The following STAP1 variants were observed in gnomAD, a reference collection of about 807,000 sequenced individuals.
STAP1 encodes signal transducing adaptor family member 1, also known as signal-transducing adaptor protein 1.
STAP1 carries 30 observed loss-of-function variants against 37.8 expected under a neutral mutation model. The observed-to-expected ratio is 0.79, with a 90% CI of 0.59 to 1.08. STAP1 has a LOEUF of 1.08. Ranked by LOEUF, STAP1 falls within the 50% of genes least tolerant of loss-of-function variation. The probability of loss-of-function intolerance (pLI) is 0.00; values close to 1 mark genes in which losing one functional copy is unlikely to be tolerated. For missense variants in STAP1, 357 were observed against 349.4 expected (o/e 1.02, Z -0.17); for synonymous variants, 130 against 116.0 (o/e 1.12, Z -0.78).
chr4:67,559,286 A>G (rs1005455044), intron 1 of STAP1, among the ~76,000 whole-genome samples: 4 of 152,154 alleles, frequency 2.6e-5, no homozygotes, highest in Non-Finnish European at 5.9e-5. Flanking sequence ...CTATGCTTCA[A>G]TGATGACATG....
chr4:67,603,990 C>A (rs533905556), intron 8 of STAP1, among the ~76,000 whole-genome samples: 1 of 152,178 alleles, frequency 6.6e-6, no homozygotes, highest in African/African-American at 2.4e-5. Flanking sequence ...AAATTTATTT[C>A]GAACCCTAGA....
At chr4:67,568,998 T>G (rs1402150839) in intron 1 of STAP1, among the ~76,000 whole-genome samples, 2 of 152,208 alleles carry the variant, frequency 1.3e-5, no homozygotes, top group African/African-American at 4.8e-5. Context: ...TGGGGATATA[T>G]TCTCAGAAAT....
intron 3 of STAP1, among the ~76,000 whole-genome samples, chr4:67,576,558 C>T (rs1727725191): frequency 6.6e-6 from 1 of 152,198 alleles, no homozygotes; most frequent in Admixed American, 6.5e-5. Flanking sequence ...GTAGCTACCA[C>T]TAAAAGTGCT....
chr4:67,587,240 A>G (rs987898092), intron 6 of STAP1, among the ~76,000 whole-genome samples: 26 of 152,232 alleles, frequency 1.7e-4, no homozygotes, highest in African/African-American at 6.3e-4. Context: ...ATTCTCTTAT[A>G]GGTTATGGGA....
At chr4:67,567,091 A>C (rs1244825740) in intron 1 of STAP1, among the ~76,000 whole-genome samples, 1 of 152,190 alleles carries the variant, frequency 6.6e-6, no homozygotes, top group Non-Finnish European at 1.5e-5. Context: ...CCTATATAAA[A>C]AGAAGGAAAG....
chr4:67,588,785 C>T (rs903974735), intron 6 of STAP1, among the ~76,000 whole-genome samples: 1 of 152,178 alleles, frequency 6.6e-6, no homozygotes, highest in African/African-American at 2.4e-5. Flanking sequence ...ATGTTGAGTA[C>T]TGGCAAACAT....
intron 1 of STAP1, among the ~76,000 whole-genome samples, chr4:67,570,523 G>T (rs539454124): frequency 6.6e-6 from 1 of 152,282 alleles, no homozygotes; most frequent in Admixed American, 6.5e-5. Flanking sequence ...ATTTAATCAA[G>T]TGGTGGCATG....
intron 4 of STAP1, among the ~76,000 whole-genome samples, chr4:67,579,868 ATACCATTTTTTTT>A (rs1335983649): frequency 6.6e-6 from 1 of 152,014 alleles, no homozygotes; most frequent in Non-Finnish European, 1.5e-5. Flanking sequence ...GGGGATAACA[ATACCATTTTTTTT>A]TTGAGATGGA....
At chr4:67,570,896 C>T (rs983577349) in intron 1 of STAP1, among the ~76,000 whole-genome samples, 188 bp from the exon 2 acceptor site, 1 of 151,530 alleles carries the variant, frequency 6.6e-6, no homozygotes, top group African/African-American at 2.4e-5. Context: ...CATATTGAGA[C>T]CAGAGAACCT....
At chr4:67,581,172 A>T in intron 4 of STAP1, 133 bp from the exon 5 acceptor site, 1 of 793,998 alleles carries the variant, frequency 1.3e-6, no homozygotes, top group East Asian at 2.8e-5. Flanking sequence ...TCTGTTTCTT[A>T]TTCCCTTAGT....
chr4:67,561,649 G>T (rs1401048049), intron 1 of STAP1, among the ~76,000 whole-genome samples: 1 of 152,150 alleles, frequency 6.6e-6, no homozygotes, highest in Non-Finnish European at 1.5e-5. Flanking sequence ...ACAGCACTAG[G>T]ATTCTGAATT....
At chr4:67,583,507 A>AT (rs1309563484) in intron 5 of STAP1, 67 bp from the exon 6 acceptor site, 12 of 1,476,238 alleles carry the variant, frequency 8.1e-6, no homozygotes, top group African/African-American at 2.9e-5. Flanking sequence ...TTTTGGTAGT[A>AT]TTTTTTTCAA....
intron 3 of STAP1, among the ~76,000 whole-genome samples, chr4:67,576,020 G>A (rs1346481742): frequency 6.6e-6 from 1 of 152,172 alleles, no homozygotes; most frequent in Non-Finnish European, 1.5e-5. Context: ...TGATAGTGAA[G>A]AGCACAAGAC....
chr4:67,575,038 A>C (rs1283657241), intron 2 of STAP1, among the ~76,000 whole-genome samples: 1 of 152,210 alleles, frequency 6.6e-6, no homozygotes, highest in Non-Finnish European at 1.5e-5. Context: ...GAACAGTAAA[A>C]TATAGAAATA....
intron 8 of STAP1, among the ~76,000 whole-genome samples, chr4:67,594,660 AT>A (rs1728185965): frequency 6.6e-6 from 1 of 152,232 alleles, no homozygotes; most frequent in South Asian, 2.1e-4. Context: ...AATGTCTACA[AT>A]GTCTTCCCTC....
In STAP1 at chr4:67,606,607, C is replaced by A. The variant is rs1308771625; in HGVS notation, c.*250C>A. On this transcript the variant is annotated 3_prime_UTR_variant, in exon 9 of 9. Transcript: ENST00000265404. ...AGATATACACATTCCCATGCACTGA[C>A]ATAAGTTGAAAACACATAGTACTTT... 3.0e-6 allele frequency: 1 copy of A among 334,110 alleles called. No homozygotes were observed. The highest frequency in any genetic ancestry group is 5.4e-6 in the Non-Finnish European group (1 of 185,586). The allele number at this position is 334,110 out of a possible 1,614,324, so 20.7% of individuals were successfully genotyped here. A position where few individuals can be genotyped will look rare whatever the true frequency, so the allele number is the denominator to read the frequency against.
chr4:67,565,449 T>G (rs1578020785), intron 1 of STAP1, among the ~76,000 whole-genome samples: 1 of 152,246 alleles, frequency 6.6e-6, no homozygotes, highest in Admixed American at 6.5e-5. Context: ...TTTTAGAAAT[T>G]TTTAGATACT....
chr4:67,569,969 G>C (rs1219406688), intron 1 of STAP1, among the ~76,000 whole-genome samples: 1 of 152,088 alleles, frequency 6.6e-6, no homozygotes, highest in Non-Finnish European at 1.5e-5. Flanking sequence ...GGCCTCAAGG[G>C]AGTCGCCCAC....
intron 1 of STAP1, among the ~76,000 whole-genome samples, chr4:67,565,036 G>C (rs934996902): frequency 6.6e-6 from 1 of 152,172 alleles, no homozygotes; most frequent in Non-Finnish European, 1.5e-5. Flanking sequence ...AAAAACAGGA[G>C]AGCCTTGATT....
Sources: allele counts gnomAD v4.1 joint callset (sites outside exome capture counted in the v4.1 genomes callset), GRCh38; gene constraint gnomAD v4.1.1; transcripts MANE v1.5; gene names NCBI Gene and HGNC (gene_info 2026-07-23, HGNC 2026-07-21).